The following COL21A1 variants were observed in gnomAD, a reference collection of about 807,000 sequenced individuals.
COL21A1 encodes collagen alpha-1(XXI) chain.
A neutral mutation model predicts 137.9 loss-of-function variants in COL21A1; 149 were observed. The observed-to-expected ratio is 1.08, with a 90% CI of 0.95 to 1.24. COL21A1 has a LOEUF of 1.24. Ranked by LOEUF, COL21A1 falls within the 50% of genes most tolerant of loss-of-function variation. The pLI, the probability that COL21A1 is intolerant of heterozygous loss-of-function variation, is 0.00. For synonymous variants in COL21A1, 456 were observed against 391.5 expected (o/e 1.16, Z -1.95); for missense variants, 1,167 against 1,158.4 (o/e 1.01, Z -0.11).
At chr6:56,206,693 A>ATAT (rs1779800725) in intron 1 of COL21A1, among the ~76,000 whole-genome samples, 23 of 127,876 alleles carry the variant, frequency 1.8e-4, no homozygotes, top group Non-Finnish European at 2.9e-4. Flanking sequence ...TAAATAAATA[A>ATAT]ATAAATATAT....
At chr6:56,146,156 T>A (rs1368058581) in intron 10 of COL21A1, among the ~76,000 whole-genome samples, 1 of 152,080 alleles carries the variant, frequency 6.6e-6, no homozygotes, top group Non-Finnish European at 1.5e-5. Flanking sequence ...AACTTAAAAA[T>A]AAGAATAAAT....
chr6:56,360,745 G>C (rs1444606241), intron 1 of COL21A1, among the ~76,000 whole-genome samples: 2 of 152,146 alleles, frequency 1.3e-5, no homozygotes, highest in African/African-American at 2.4e-5. Context: ...ATTATTATCA[G>C]CAACAACCCT....
intron 1 of COL21A1, among the ~76,000 whole-genome samples, chr6:56,230,436 C>T (rs1781485613): frequency 6.6e-6 from 1 of 151,682 alleles, no homozygotes; most frequent in Admixed American, 6.6e-5. Flanking sequence ...GTCAAGTTTC[C>T]AAAGTTTTTC....
At chr6:56,343,794 T>A (rs2152345647) in intron 1 of COL21A1, among the ~76,000 whole-genome samples, 1 of 152,188 alleles carries the variant, frequency 6.6e-6, no homozygotes, top group South Asian at 2.1e-4. Flanking sequence ...AATTTAAAAA[T>A]TAGCCAGGCG....
chr6:56,259,940 G>T (rs1317643765), intron 1 of COL21A1, among the ~76,000 whole-genome samples: 3 of 152,114 alleles, frequency 2.0e-5, no homozygotes, highest in Admixed American at 2.0e-4. Context: ...ATGATATCCC[G>T]GAGTCATTCT....
chr6:56,295,327 C>G (rs559182521), intron 1 of COL21A1, among the ~76,000 whole-genome samples: 6 of 152,088 alleles, frequency 3.9e-5, no homozygotes, highest in African/African-American at 1.4e-4. Context: ...TTCACCAGTA[C>G]CACACTGTTT....
chr6:56,148,338 C>CAGACAGAGAG (rs1554145108), intron 10 of COL21A1, among the ~76,000 whole-genome samples: 1 of 133,176 alleles, frequency 7.5e-6, no homozygotes, highest in Non-Finnish European at 1.6e-5. Context: ...AGACAAGAGA[C>CAGACAGAGAG]AGAGAGAGAG....
At chr6:56,270,391 G>A (rs1478175341) in intron 1 of COL21A1, among the ~76,000 whole-genome samples, 3 of 152,172 alleles carry the variant, frequency 2.0e-5, no homozygotes, top group African/African-American at 7.2e-5. Context: ...ACATGCACCT[G>A]ACATCGGAGC....
intron 1 of COL21A1, among the ~76,000 whole-genome samples, chr6:56,343,602 C>T (rs1211404096): frequency 6.6e-6 from 1 of 152,150 alleles, no homozygotes; most frequent in Non-Finnish European, 1.5e-5. Context: ...CAGCTTGTCT[C>T]AGATGCCTCT....
chr6:56,308,227 G>A (rs1764516866), intron 1 of COL21A1, among the ~76,000 whole-genome samples: 1 of 152,170 alleles, frequency 6.6e-6, no homozygotes, highest in Admixed American at 6.5e-5. Flanking sequence ...GAAAAAGGCT[G>A]GTAAGAACTA....
chr6:56,098,558 A>T (rs866701722), intron 17 of COL21A1, among the ~76,000 whole-genome samples: 1,070 of 9,012 alleles, frequency 0.12, 327 homozygotes, highest in East Asian at 0.28. Context: ...AATATATATA[A>T]ATATATAAAT....
upstream of COL21A1, among the ~76,000 whole-genome samples, chr6:56,252,502 G>A (rs922816908): frequency 1.3e-5 from 2 of 152,144 alleles, no homozygotes; most frequent in African/African-American, 2.4e-5. Flanking sequence ...TCCCAGAAGG[G>A]CTGGAAAATT....
chr6:56,127,537 C>T (rs1410210571), intron 12 of COL21A1, among the ~76,000 whole-genome samples: 3 of 152,154 alleles, frequency 2.0e-5, no homozygotes, highest in African/African-American at 4.8e-5. Flanking sequence ...TATCCAATGG[C>T]TTCCTGAGAA....
Position 56,289,321 on chromosome 6 carries a change from T to C in COL21A1, c.-39+104650A>G, listed in dbSNP as rs1451208994. ...GACGCCAGAGTTCCTTCCAGCAATA[T>C]ACAATGAGACAAAGTACATAACATC... On this transcript the variant is annotated intron_variant, in intron 1 of 28. Coordinates refer to the COL21A1 transcript ENST00000370819. Among the ~76,000 whole-genome samples the C allele has an allele frequency of 3.3e-5, 5 of 152,178 alleles. No individual in the cohort carries two copies. The East Asian group carries it at 9.6e-4, about 29-fold the overall frequency.
chr6:56,236,350 G>A (rs1781896416), intron 1 of COL21A1, among the ~76,000 whole-genome samples: 1 of 152,000 alleles, frequency 6.6e-6, no homozygotes, highest in South Asian at 2.1e-4. Flanking sequence ...AATAGATGGG[G>A]ATTTCCCTAA....
intron 1 of COL21A1, among the ~76,000 whole-genome samples, chr6:56,183,937 A>G (rs1284794749): frequency 6.6e-6 from 1 of 152,202 alleles, no homozygotes; most frequent in African/African-American, 2.4e-5. Flanking sequence ...ACCTGCATCC[A>G]CTGGAGGAAA....
intron 1 of COL21A1, among the ~76,000 whole-genome samples, chr6:56,334,852 T>C (rs930856190): frequency 2.0e-5 from 3 of 152,154 alleles, no homozygotes; most frequent in Admixed American, 6.5e-5. Flanking sequence ...AAGAATGAGT[T>C]CAAACCAATT....
At chr6:56,098,412 T>G (rs866799982) in intron 17 of COL21A1, among the ~76,000 whole-genome samples, 2 of 10,646 alleles carry the variant, frequency 1.9e-4, no homozygotes, top group African/African-American at 1.4e-3. Flanking sequence ...TAAATATATA[T>G]AAATATATAA....
intron 3 of COL21A1, among the ~76,000 whole-genome samples, chr6:56,175,989 G>C (rs1777439432): frequency 6.6e-6 from 1 of 152,060 alleles, no homozygotes; most frequent in Non-Finnish European, 1.5e-5. Flanking sequence ...ATGCATCAAT[G>C]AAATTATCTT....
Sources: allele counts gnomAD v4.1 joint callset (sites outside exome capture counted in the v4.1 genomes callset), GRCh38; gene constraint gnomAD v4.1.1; transcripts MANE v1.5; gene names NCBI Gene and HGNC (gene_info 2026-07-23, HGNC 2026-07-21).